SLCO1A2: variants seen among roughly 807,000 people sequenced by gnomAD.
SLCO1A2 encodes the protein OATP-1.
Under a neutral mutation model 69.0 loss-of-function variants are expected in SLCO1A2, and 67 were observed. That is an observed-to-expected ratio of 0.97 (90% confidence interval 0.80 to 1.19). SLCO1A2 has a LOEUF of 1.19. Among genes scored for constraint, SLCO1A2 ranks in the 50% most tolerant of loss-of-function variants. The probability of loss-of-function intolerance (pLI) is 0.00; values close to 1 mark genes in which losing one functional copy is unlikely to be tolerated. For missense variants in SLCO1A2, 787 were observed against 793.7 expected, an observed-to-expected ratio of 0.99 and a Z score of 0.10; for synonymous variants, 260 against 265.9, an observed-to-expected ratio of 0.98 and a Z score of 0.22.
At chr12:21,304,599 A>C in intron 5 of SLCO1A2, 26 bp from the exon 6 acceptor site, 1 of 1,577,488 alleles carries the variant, frequency 6.3e-7, no homozygotes, top group Non-Finnish European at 8.6e-7. Flanking sequence ...AAGACATGAC[A>C]TTAGTGCTTT....
At position 21,295,671 on chromosome 12, in the gene SLCO1A2, A is replaced by T. The variant is rs1229214276; in HGVS notation, c.1197T>A (p.Tyr399Ter). The T allele has an allele frequency of 1.9e-6, 3 of 1,606,782 alleles. No homozygotes were observed. The highest frequency in any genetic ancestry group is 2.7e-5 in the African/African-American group (2 of 74,752). Residue 399 changes from tyrosine to a stop codon, truncating the protein, a stop_gained, in exon 10 of 15, where the codon TAT (tyrosine) becomes TAA (stop). Transcript: ENST00000683939. LOFTEE classifies it high-confidence loss of function. Reference sequence around the variant, plus strand: ...TGAGAAAAGATAAAAAATAGAGAAGATACTCAAGTAAGGATAACCAACATC... The same window carrying T: ...TGAGAAAAGATAAAAAATAGAGAAGTTACTCAAGTAAGGATAACCAACATC... ...HIGCWLSLLE[Y>*]LLYFLSFLMT...
chr12:21,381,994 G>A lies in SLCO1A2; in HGVS notation c.-189-7469C>T, dbSNP rs765972735. ...AGTATTGAGTATCTAACCAAAGGAA[G>A]AGCAGTGATTATATGAAAAACACAC... On this transcript the variant is annotated intron_variant, in intron 1 of 15. Transcript: ENST00000307378. Among the ~76,000 whole-genome samples, 4 of 152,250 alleles carry A rather than the reference G, an allele frequency of 2.6e-5. No individual in the cohort carries two copies. In the South Asian group the frequency reaches 6.2e-4, roughly 24 times the overall value.
chr12:21,379,347 T>C (rs527287784), intron 1 of SLCO1A2: 23 of 152,336 alleles, frequency 1.5e-4, no homozygotes, highest in African/African-American at 5.5e-4. Flanking sequence ...AGCAGTGAGC[T>C]TCTATTAAAT....
At chr12:21,365,243 C>G (rs1281032429) in intron 2 of SLCO1A2, among the ~76,000 whole-genome samples, 1 of 152,176 alleles carries the variant, frequency 6.6e-6, no homozygotes, top group Non-Finnish European at 1.5e-5. Flanking sequence ...AATAATACCA[C>G]ACATCTACAA....
intron 14 of SLCO1A2, among the ~76,000 whole-genome samples, chr12:21,271,797 A>G (rs1367632144): frequency 1.3e-5 from 2 of 148,148 alleles, no homozygotes; most frequent in Non-Finnish European, 3.0e-5. Flanking sequence ...ACATATGTAA[A>G]TAAATATGTA....
chr12:21,267,127 C>A lies in SLCO1A2; in HGVS notation c.*2421G>T, dbSNP rs1226365208. 6.6e-6 allele frequency: 1 copy of A among 152,136 alleles called. No homozygotes were observed. The highest frequency in any genetic ancestry group is 1.5e-5 in the Non-Finnish European group (1 of 68,066). The allele number at this position is 152,136 out of a possible 1,614,324, so 9.4% of individuals were successfully genotyped here. A position where few individuals can be genotyped will look rare whatever the true frequency, so the allele number is the denominator to read the frequency against. On this transcript the variant is annotated 3_prime_UTR_variant, in exon 15 of 15. Transcript: ENST00000683939. ...AAAGAGGTCATGAGGGATCCCAAAG[C>A]ACTCCAACACCCACTTTCTCTGACC... is the stretch of plus-strand genomic sequence containing the variant.
At chr12:21,306,726 T>C (rs768293886) in intron 5 of SLCO1A2, among the ~76,000 whole-genome samples, 156 bp downstream of exon 5, 10 of 152,366 alleles carry the variant, frequency 6.6e-5, no homozygotes, top group African/African-American at 2.2e-4. Flanking sequence ...TATTAGCTAT[T>C]CTTATTGCCC....
chr12:21,416,670 AT>A (rs1941994717), intron 1 of SLCO1A2, among the ~76,000 whole-genome samples: 1 of 151,986 alleles, frequency 6.6e-6, no homozygotes, highest in Non-Finnish European at 1.5e-5. Context: ...GGCACTGACT[AT>A]TCACAGGAGC....
intron 12 of SLCO1A2, among the ~76,000 whole-genome samples, chr12:21,280,992 C>A (rs995121590): frequency 6.6e-6 from 1 of 151,958 alleles, no homozygotes; most frequent in South Asian, 2.1e-4. Context: ...TCCTGAATGA[C>A]CAGTGGGTCA....
At chr12:21,346,360 G>C (rs940254882) in intron 2 of SLCO1A2, among the ~76,000 whole-genome samples, 1 of 152,130 alleles carries the variant, frequency 6.6e-6, no homozygotes, top group Non-Finnish European at 1.5e-5. Context: ...GTCGGTGAGA[G>C]AGCTGTGCTG....
At chr12:21,341,847 G>C (rs1420197166) in intron 2 of SLCO1A2, among the ~76,000 whole-genome samples, 2 of 152,032 alleles carry the variant, frequency 1.3e-5, no homozygotes, top group Non-Finnish European at 2.9e-5. Context: ...GGTCGGGATA[G>C]TGTCCATTCA....
At chr12:21,284,290 G>A (rs886331925) in intron 12 of SLCO1A2, among the ~76,000 whole-genome samples, 1 of 152,152 alleles carries the variant, frequency 6.6e-6, no homozygotes, top group African/African-American at 2.4e-5. Context: ...AACAGCTCCG[G>A]TCCACAGCTC....
intron 1 of SLCO1A2, among the ~76,000 whole-genome samples, chr12:21,394,651 G>T (rs1172188110): frequency 6.6e-6 from 1 of 151,810 alleles, no homozygotes; most frequent in Non-Finnish European, 1.5e-5. Flanking sequence ...AGCTATTCCT[G>T]AACAAGGTGA....
At chr12:21,295,875 T>C (rs1026914891) in intron 9 of SLCO1A2, 83 bp from the exon 10 acceptor site, 4 of 718,590 alleles carry the variant, frequency 5.6e-6, no homozygotes, top group African/African-American at 1.8e-5. Flanking sequence ...ATATGCCTTA[T>C]ATAAGTAACT....
Position 21,269,431 on chromosome 12 carries a change from GT to G in SLCO1A2, c.*116del. ...ACATTTTATTATTTTGAGTTAAGAG[GT>G]TTTTTAGGTTCTTAAAGACAAGAAA... On this transcript the variant is annotated 3_prime_UTR_variant, in exon 15 of 15. Transcript: ENST00000683939. The G allele has an allele frequency of 1.5e-6, 1 of 654,748 alleles. No homozygotes were observed. The highest frequency in any genetic ancestry group is 2.5e-6 in the Non-Finnish European group (1 of 404,060). 40.6% of individuals were successfully genotyped at this position (654,748 alleles called of 1,614,324 possible). A position where few individuals can be genotyped will look rare whatever the true frequency, so the allele number is the denominator to read the frequency against.
Position 21,314,764 on chromosome 12 carries a change from G to C in SLCO1A2, c.203-83C>G, listed in dbSNP as rs150729000. The C allele has an allele frequency of 4.2e-6, 4 of 963,226 alleles. No individual in the cohort carries two copies. The African/African-American group carries it at 6.6e-5, about 16-fold the overall frequency. The allele number at this position is 963,226 out of a possible 1,614,324, so 59.7% of individuals were successfully genotyped here. Reference sequence around the variant, plus strand: ...GCCTCACCCAATCATTTACATTCTAGCATTTACTGCATAACAACTATCTTA... The same window carrying C: ...GCCTCACCCAATCATTTACATTCTACCATTTACTGCATAACAACTATCTTA... On this transcript the variant is annotated intron_variant, in intron 3 of 14. Coordinates refer to ENST00000683939, the MANE Select transcript of SLCO1A2 (RefSeq NM_001386879.1).
intron 2 of SLCO1A2, among the ~76,000 whole-genome samples, chr12:21,343,731 GA>G: frequency 6.7e-6 from 1 of 150,326 alleles, no homozygotes; most frequent in East Asian, 1.9e-4. Context: ...CTCCTTTCCA[GA>G]AAAAAAAATA....
chr12:21,288,842 GATTA>G (rs1165091783), intron 12 of SLCO1A2, among the ~76,000 whole-genome samples: 4 of 151,174 alleles, frequency 2.6e-5, no homozygotes, highest in African/African-American at 7.3e-5. Flanking sequence ...ATTTATATAT[GATTA>G]ATTTTTTAAA....
intron 2 of SLCO1A2, 27 bp from the exon 3 acceptor site, chr12:21,318,950 G>GA: frequency 6.5e-7 from 1 of 1,545,416 alleles, no homozygotes; most frequent in Admixed American, 2.1e-5. Flanking sequence ...AGAAAACGTA[G>GA]AAAAAATTAT....
Sources: allele counts gnomAD v4.1 joint callset (sites outside exome capture counted in the v4.1 genomes callset), GRCh38; gene constraint gnomAD v4.1.1; transcripts MANE v1.5; gene names NCBI Gene and HGNC (gene_info 2026-07-23, HGNC 2026-07-21).